Variants in ROCK2 observed in about 807,000 individuals in gnomAD.
ROCK2 encodes rho-associated protein kinase 2.
ROCK2 carries 61 observed loss-of-function variants against 195.1 expected under a neutral mutation model. The observed-to-expected ratio is 0.31, with a 90% confidence interval of 0.25 to 0.39. The LOEUF (loss-of-function observed/expected upper bound fraction) is 0.39, where lower values mean the gene tolerates loss of function less well. ROCK2 is among the 10% of genes least tolerant of loss of function. ROCK2 has a pLI of 1.00. For synonymous variants in ROCK2, 504 were observed against 545.5 expected (o/e 0.92, Z 1.06); for missense variants, 1,109 against 1,637.4 (o/e 0.68, Z 5.57).
rs1349182238 is a variant in ROCK2 at position 11,197,909 on chromosome 2, T to C, written c.3100-204A>G. ...CATCCTTCTCCATCCAATGAGCCAT[T>C]AGATTTTTACTCGTGTTTTCTGAGA... On this transcript the variant is annotated intron_variant, in intron 25 of 32. Coordinates refer to ENST00000315872, the MANE Select transcript of ROCK2 (RefSeq NM_004850.5). The surrounding 1 kb of genome is among the most constrained non-coding windows in gnomAD (Gnocchi z 4.9). Among the ~76,000 whole-genome samples, 1 of 152,172 alleles carries C rather than the reference T, an allele frequency of 6.6e-6. No homozygotes were observed. Among genetic ancestry groups the C allele is most frequent in the Admixed American group, 6.5e-5 (1 of 15,286 alleles).
chr2:11,224,213 T>C, intron 7 of ROCK2, 109 bp downstream of exon 7: 1 of 1,038,990 alleles, frequency 9.6e-7, no homozygotes, highest in Non-Finnish European at 1.4e-6. Context: ...AGATGCTACT[T>C]GGGTAATGAG....
At position 11,208,465 on chromosome 2, in the gene ROCK2, G is replaced by A. The variant is rs781338152; in HGVS notation, c.2204-18C>T. ...CTCCATTTCTAGTATAATAAAAATGGACACAATCATAAATTTACAAATAAA... is the reference window on the plus strand; with the variant it reads ...CTCCATTTCTAGTATAATAAAAATGAACACAATCATAAATTTACAAATAAA... On this transcript the variant is annotated intron_variant, in intron 18 of 32. Transcript: ENST00000315872. The A allele has an allele frequency of 7.2e-7, 1 of 1,390,148 alleles. No individual in the cohort carries two copies. The highest frequency in any genetic ancestry group is 2.3e-5 in the Admixed American group (1 of 42,778). The allele number at this position is 1,390,148 out of a possible 1,614,324, so 86.1% of individuals were successfully genotyped here.
chr2:11,227,438 T>C, intron 5 of ROCK2, 40 bp from the exon 6 acceptor site: 3 of 1,570,522 alleles, frequency 1.9e-6, no homozygotes, highest in Non-Finnish European at 2.6e-6. Flanking sequence ...CAGTTCAGTG[T>C]AAAAACACAC....
At chr2:11,204,985 G>C (rs1236053317) in intron 20 of ROCK2, among the ~76,000 whole-genome samples, 2 of 152,122 alleles carry the variant, frequency 1.3e-5, no homozygotes, top group Non-Finnish European at 2.9e-5. Context: ...CAAAGGGGGT[G>C]GGAAAAACTT....
chr2:11,271,238 T>G (rs1181515725), intron 3 of ROCK2, among the ~76,000 whole-genome samples: 4 of 152,194 alleles, frequency 2.6e-5, no homozygotes, highest in African/African-American at 9.7e-5. Context: ...TTAATCTTCT[T>G]GGAAGCATGA....
intron 1 of ROCK2, among the ~76,000 whole-genome samples, chr2:11,332,514 G>T (rs1005504608): frequency 6.6e-5 from 10 of 152,236 alleles, no homozygotes; most frequent in African/African-American, 2.4e-4. Flanking sequence ...AGCAAAACAC[G>T]CACATAAAAC....
intron 1 of ROCK2, among the ~76,000 whole-genome samples, chr2:11,328,154 T>C (rs1403648852): frequency 6.6e-6 from 1 of 152,164 alleles, no homozygotes; most frequent in East Asian, 1.9e-4. Context: ...CAAGACTTTG[T>C]CTTACTATTC....
chr2:11,191,203 T>G (rs1663409399), intron 32 of ROCK2, among the ~76,000 whole-genome samples: 1 of 152,238 alleles, frequency 6.6e-6, no homozygotes, highest in African/African-American at 2.4e-5. Flanking sequence ...ATTCTTGTGT[T>G]CATTTCATGT....
At chr2:11,222,849 G>A (rs928451571) in intron 7 of ROCK2, among the ~76,000 whole-genome samples, 9 of 151,972 alleles carry the variant, frequency 5.9e-5, no homozygotes, top group Non-Finnish European at 1.3e-4. Context: ...CCATATTTAC[G>A]GCATTAACTC....
At chr2:11,335,229 T>G (rs1668894383) in intron 1 of ROCK2, among the ~76,000 whole-genome samples, 1 of 151,958 alleles carries the variant, frequency 6.6e-6, no homozygotes, top group Non-Finnish European at 1.5e-5. Context: ...AAAAGATATG[T>G]GAGGGTCATT....
intron 32 of ROCK2, among the ~76,000 whole-genome samples, chr2:11,184,954 AT>A (rs1170019454): frequency 6.6e-6 from 1 of 152,236 alleles, no homozygotes. Context: ...ATATAAATGC[AT>A]ATAATCATGT....
At chr2:11,219,064 CATTTTA>C (rs2148071943) in intron 9 of ROCK2, 38 bp from the exon 10 acceptor site, 1 of 1,157,018 alleles carries the variant, frequency 8.6e-7, no homozygotes, top group East Asian at 2.4e-5. Context: ...TTTTTCATTT[CATTTTA>C]ATCTATGTGC....
At chr2:11,265,278 T>G (rs1666374421) in intron 3 of ROCK2, among the ~76,000 whole-genome samples, 1 of 152,172 alleles carries the variant, frequency 6.6e-6, no homozygotes, top group South Asian at 2.1e-4. Context: ...TCTTCAGAAA[T>G]GGGCAAGTTG....
At chr2:11,251,579 A>C (rs1304433566) in intron 3 of ROCK2, among the ~76,000 whole-genome samples, 1 of 152,260 alleles carries the variant, frequency 6.6e-6, no homozygotes, top group Non-Finnish European at 1.5e-5. Flanking sequence ...AAACCTAGGC[A>C]ATACCATTCA....
At chr2:11,293,856 C>T (rs1667430821) in intron 1 of ROCK2, among the ~76,000 whole-genome samples, 1 of 152,050 alleles carries the variant, frequency 6.6e-6, no homozygotes, top group Admixed American at 6.6e-5. Context: ...ATAGCATATT[C>T]TGATTTTAAA....
At chr2:11,280,231 A>AT (rs1233220312) in intron 3 of ROCK2, among the ~76,000 whole-genome samples, 1 of 152,146 alleles carries the variant, frequency 6.6e-6, no homozygotes, top group Non-Finnish European at 1.5e-5. Context: ...AATAATATTG[A>AT]TAAGGCTCTA....
intron 1 of ROCK2, among the ~76,000 whole-genome samples, chr2:11,334,207 T>C (rs993619337): frequency 4.6e-5 from 7 of 152,292 alleles, no homozygotes; most frequent in African/African-American, 1.7e-4. Flanking sequence ...CTACAGGTTA[T>C]CACTCCTGTT....
chr2:11,192,703 C>A lies in ROCK2; in HGVS notation c.3697G>T (p.Ala1233Ser). The A allele has an allele frequency of 6.2e-7, 1 of 1,611,282 alleles. No individual in the cohort carries two copies. The highest frequency in any genetic ancestry group is 8.5e-7 in the Non-Finnish European group (1 of 1,178,886). The change falls in exon 31 of 33, where the codon GCC becomes TCC. Residue 1233 changes from alanine (A) to serine (S), a missense_variant. Coordinates refer to ENST00000315872, the MANE Select transcript of ROCK2 (RefSeq NM_004850.5). The surrounding 1 kb of genome is among the most constrained non-coding windows in gnomAD (Gnocchi z 5.0). ...TCCTTCTTACTTTCTCCTTCATTGG[C>A]ATACAGAATCTATGAATGCCAAAAG... ...EIPRIFQILY[A>S]NEGESKKEQE... is the part of the protein sequence containing the mutation.
chr2:11,248,084 A>G (rs150831257), intron 4 of ROCK2, among the ~76,000 whole-genome samples: 3 of 152,240 alleles, frequency 2.0e-5, no homozygotes, highest in Middle Eastern at 3.4e-3. Context: ...TTCACTGTAC[A>G]TATCAGAATT....
Sources: allele counts gnomAD v4.1 joint callset (sites outside exome capture counted in the v4.1 genomes callset), GRCh38; gene constraint gnomAD v4.1.1; non-coding constraint Gnocchi (gnomAD v3.1); transcripts MANE v1.5; gene names NCBI Gene and HGNC (gene_info 2026-07-23, HGNC 2026-07-21).